Variants in ABLIM3 observed in about 807,000 individuals in gnomAD.
ABLIM3 encodes actin-binding LIM protein 3.
ABLIM3 carries 61 observed loss-of-function variants against 109.5 expected under a neutral mutation model. The observed-to-expected ratio is 0.56, with a 90% CI of 0.45 to 0.69. ABLIM3 has a LOEUF of 0.69. Among genes scored for constraint, ABLIM3 ranks in the 30% least tolerant of loss-of-function variants. ABLIM3 has a pLI of 0.00. For synonymous variants in ABLIM3, 300 were observed against 324.8 expected, an observed-to-expected ratio of 0.92 and a Z score of 0.82; for missense variants, 796 against 889.5, an observed-to-expected ratio of 0.89 and a Z score of 1.34.
chr5:149,144,758 C>G (rs916126053), intron 2 of ABLIM3, among the ~76,000 whole-genome samples: 5 of 152,302 alleles, frequency 3.3e-5, no homozygotes, highest in African/African-American at 1.2e-4. Context: ...ATGAAAGGTA[C>G]TTGGATGTGT....
intron 7 of ABLIM3, among the ~76,000 whole-genome samples, chr5:149,215,087 C>G (rs1256669723): frequency 2.0e-5 from 3 of 152,290 alleles, no homozygotes; most frequent in African/African-American, 4.8e-5. Context: ...GAGATGGGCA[C>G]AAAGCCTCTT....
intron 8 of ABLIM3, among the ~76,000 whole-genome samples, chr5:149,225,978 GTGTGTATATATATATA>G (rs1269731369): frequency 4.4e-4 from 11 of 25,090 alleles, no homozygotes; most frequent in African/African-American, 2.2e-3. Context: ...GTGTGTGTGT[GTGTGTATATATATATA>G]TATATATATA....
At position 149,224,021 on chromosome 5, in the gene ABLIM3, C is replaced by CATGGCCATTCCCATGTTGCAA. The variant is rs1412945998; in HGVS notation, c.758-6628_758-6627insATGGCCATTCCCATGTTGCAA. Among the ~76,000 whole-genome samples, 147 of 152,302 alleles carry CATGGCCATTCCCATGTTGCAA rather than the reference C, an allele frequency of 9.7e-4. 5 individuals are homozygous for CATGGCCATTCCCATGTTGCAA. The South Asian group carries it at 0.024, about 25-fold the overall frequency. Reference sequence around the variant, plus strand: ...CCATGTTGCAATGCAGTAGTAAGTGCTTGCTGTTGTCAATATTATCAGCAT... The same window carrying CATGGCCATTCCCATGTTGCAA: ...CCATGTTGCAATGCAGTAGTAAGTGCATGGCCATTCCCATGTTGCAATTGCTGTTGTCAATATTATCAGCAT... On this transcript the variant is annotated intron_variant, in intron 8 of 23. Coordinates refer to ENST00000309868, the MANE Select transcript of ABLIM3 (RefSeq NM_014945.5).
At chr5:149,142,193 A>C (rs1580962146) in intron 2 of ABLIM3, 85 bp downstream of exon 2, 1 of 1,584,882 alleles carries the variant, frequency 6.3e-7, no homozygotes, top group Admixed American at 1.7e-5. Context: ...GCCTGGAAAG[A>C]GGAAGGAAGC....
chr5:149,206,784 G>T (rs1342000229), intron 5 of ABLIM3, among the ~76,000 whole-genome samples: 2 of 152,032 alleles, frequency 1.3e-5, no homozygotes, highest in Non-Finnish European at 2.9e-5. Flanking sequence ...TGACAAGCAG[G>T]GAGGTCTTTC....
intron 2 of ABLIM3, among the ~76,000 whole-genome samples, chr5:149,181,097 G>C (rs572847520): frequency 6.6e-6 from 1 of 152,188 alleles, no homozygotes; most frequent in East Asian, 1.9e-4. Flanking sequence ...TGTACTATTC[G>C]TTCTTATTTT....
At chr5:149,204,480 A>G (rs1433940862) in intron 5 of ABLIM3, among the ~76,000 whole-genome samples, 3 of 152,238 alleles carry the variant, frequency 2.0e-5, no homozygotes, top group East Asian at 1.9e-4. Flanking sequence ...GAGCAGCAGT[A>G]TAATATAAAA....
intron 2 of ABLIM3, among the ~76,000 whole-genome samples, chr5:149,165,962 A>G (rs1754782867): frequency 6.6e-6 from 1 of 152,234 alleles, no homozygotes; most frequent in African/African-American, 2.4e-5. Flanking sequence ...TTTGCTTAGA[A>G]TCTAAGCATA....
intron 23 of ABLIM3, among the ~76,000 whole-genome samples, chr5:149,253,957 G>A (rs984524961): frequency 6.6e-6 from 1 of 152,218 alleles, no homozygotes; most frequent in African/African-American, 2.4e-5. Context: ...CATGGTGGAA[G>A]GCAAAGGAGG....
At chr5:149,187,048 A>T (rs1483325494) in intron 3 of ABLIM3, among the ~76,000 whole-genome samples, 1 of 152,174 alleles carries the variant, frequency 6.6e-6, no homozygotes, top group Non-Finnish European at 1.5e-5. Flanking sequence ...ATAGATCAAA[A>T]ATATGAGAAG....
At chr5:149,163,442 G>A in intron 2 of ABLIM3, among the ~76,000 whole-genome samples, 1 of 152,164 alleles carries the variant, frequency 6.6e-6, no homozygotes, top group Non-Finnish European at 1.5e-5. Flanking sequence ...CACACACGGG[G>A]TGGCTTAAAC....
chr5:149,232,667 C>T (rs1425944290), intron 9 of ABLIM3, among the ~76,000 whole-genome samples: 2 of 152,164 alleles, frequency 1.3e-5, no homozygotes, highest in Non-Finnish European at 2.9e-5. Context: ...AATCCCTTTA[C>T]ATCAGGCAGG....
intron 16 of ABLIM3, 149 bp downstream of exon 16, chr5:149,245,164 A>T: frequency 8.8e-7 from 1 of 1,130,006 alleles, no homozygotes; most frequent in South Asian, 1.6e-5. Context: ...TCATTCAACA[A>T]ATATGTACTA....
At chr5:149,187,703 C>A (rs1304101232) in intron 3 of ABLIM3, among the ~76,000 whole-genome samples, 1 of 152,128 alleles carries the variant, frequency 6.6e-6, no homozygotes, top group Non-Finnish European at 1.5e-5. Context: ...TCCTACCCCA[C>A]CCTGACTCAT....
intron 7 of ABLIM3, among the ~76,000 whole-genome samples, chr5:149,211,212 T>C (rs931145798): frequency 2.6e-5 from 4 of 152,182 alleles, no homozygotes; most frequent in African/African-American, 4.8e-5. Context: ...TATTTGGTAA[T>C]GTGCTGATTT....
chr5:149,210,680 C>T (rs2127516121), intron 6 of ABLIM3, 46 bp from the exon 7 acceptor site: 1 of 1,563,586 alleles, frequency 6.4e-7, no homozygotes, highest in Non-Finnish European at 8.8e-7. Context: ...TGCACCCTCA[C>T]TGATCCTCCC....
chr5:149,160,461 CA>C (rs35479445), intron 2 of ABLIM3, among the ~76,000 whole-genome samples: 90,885 of 130,138 alleles, frequency 0.7, 29,531 homozygotes, highest in Admixed American at 0.75. Context: ...GACTCCGTCT[CA>C]AAAAAAAAAA....
chr5:149,190,060 T>C (rs1303793083), intron 3 of ABLIM3, among the ~76,000 whole-genome samples: 1 of 152,138 alleles, frequency 6.6e-6, no homozygotes, highest in African/African-American at 2.4e-5. Flanking sequence ...TAATAAATGC[T>C]CCAATGGGAA....
In ABLIM3 at chr5:149,259,942, G is replaced by T; in HGVS notation, c.*1538G>T. 1 of 248,616 alleles carries T rather than the reference G, an allele frequency of 4.0e-6. No homozygotes were observed. The highest frequency in any genetic ancestry group is 7.8e-6 in the Non-Finnish European group (1 of 128,096). The allele number at this position is 248,616 out of a possible 1,614,324, so 15.4% of individuals were successfully genotyped here. A position where few individuals can be genotyped will look rare whatever the true frequency, so the allele number is the denominator to read the frequency against. ...CACTGAATGGGGGAGGGGGAGGGGAGCACGGGGTGAGTCAACCTGGGACTC... is the reference window on the plus strand; with the variant it reads ...CACTGAATGGGGGAGGGGGAGGGGATCACGGGGTGAGTCAACCTGGGACTC... On this transcript the variant is annotated 3_prime_UTR_variant, in exon 24 of 24. Coordinates refer to ENST00000309868, the MANE Select transcript of ABLIM3 (RefSeq NM_014945.5).
Sources: allele counts gnomAD v4.1 joint callset (sites outside exome capture counted in the v4.1 genomes callset), GRCh38; gene constraint gnomAD v4.1.1; transcripts MANE v1.5; gene names NCBI Gene and HGNC (gene_info 2026-07-23, HGNC 2026-07-21).